The following LARGE1 variants were observed in gnomAD, a reference collection of about 807,000 sequenced individuals.
The protein encoded by LARGE1 is xylosyl- and glucuronyltransferase LARGE1.
LARGE1 carries 43 observed loss-of-function variants against 87.6 expected under a neutral mutation model. The ratio of observed to expected loss-of-function variants is 0.49; its 90% CI spans 0.38 to 0.63. The LOEUF (loss-of-function observed/expected upper bound fraction) is 0.63. LARGE1 is among the 30% of genes least tolerant of loss of function. LARGE1 has a pLI of 0.00. For missense variants in LARGE1, 802 were observed against 1,000.2 expected (o/e 0.80, Z 2.67); for synonymous variants, 434 against 394.6 (o/e 1.10, Z -1.18).
intron 1 of LARGE1, among the ~76,000 whole-genome samples, chr22:33,801,958 A>G (rs2086174676): frequency 6.6e-6 from 1 of 152,174 alleles, no homozygotes; most frequent in South Asian, 2.1e-4. Flanking sequence ...TATTTTTACT[A>G]ATGAAAATAA....
At chr22:33,146,407 T>A in the LARGE1 span, among the ~76,000 whole-genome samples, 1 of 152,162 alleles carries the variant, frequency 6.6e-6, no homozygotes, top group Non-Finnish European at 1.5e-5. Flanking sequence ...ATATGATTAG[T>A]CTCTATTACA....
intron 3 of LARGE1, among the ~76,000 whole-genome samples, chr22:33,646,689 C>G (rs1394851601): frequency 1.3e-5 from 2 of 151,766 alleles, no homozygotes; most frequent in Non-Finnish European, 2.9e-5. Flanking sequence ...ATTCATCAAT[C>G]CTATGTGCTG....
chr22:33,398,754 T>C (rs550924277), intron 7 of LARGE1, among the ~76,000 whole-genome samples: 2 of 152,278 alleles, frequency 1.3e-5, no homozygotes, highest in East Asian at 1.9e-4. Flanking sequence ...CAATGGCTAG[T>C]GTCCTTATAA....
intron 10 of LARGE1, among the ~76,000 whole-genome samples, chr22:33,322,227 G>A (rs77975483): frequency 0.033 from 4,951 of 152,256 alleles, 269 homozygotes; most frequent in African/African-American, 0.11. Flanking sequence ...TCCATATGGT[G>A]AGCTCCTAAC....
chr22:33,894,545 C>T (rs1368308782), intron 1 of LARGE1, among the ~76,000 whole-genome samples: 5 of 152,166 alleles, frequency 3.3e-5, no homozygotes, highest in African/African-American at 4.8e-5. Flanking sequence ...TCAGAAACCT[C>T]GAAGTAGCCT....
At chr22:33,172,744 G>A (rs944461606) in intron 11 of LARGE1, among the ~76,000 whole-genome samples, 6 of 152,226 alleles carry the variant, frequency 3.9e-5, no homozygotes, top group Non-Finnish European at 8.8e-5. Flanking sequence ...TGATCAAGTG[G>A]AAGAGAGGAT....
In LARGE1 at chr22:33,806,049, A is replaced by C. The variant is rs2086298674; in HGVS notation, c.-82-44491T>G. Reference sequence around the variant, plus strand: ...CTCAATCTAATTCCAAAACTTTTCCATGAACTCCAAAACAAAACCCCACAC... The same window carrying C: ...CTCAATCTAATTCCAAAACTTTTCCCTGAACTCCAAAACAAAACCCCACAC... On this transcript the variant is annotated intron_variant, in intron 1 of 14. Transcript: ENST00000397394. 2.0e-5 allele frequency among the ~76,000 whole-genome samples: 3 copies of C among 152,292 alleles called. No homozygotes were observed. The South Asian group carries it at 6.2e-4, about 32-fold the overall frequency.
chr22:33,668,661 C>T (rs192929726), intron 2 of LARGE1, among the ~76,000 whole-genome samples: 11 of 152,220 alleles, frequency 7.2e-5, no homozygotes, highest in Admixed American at 1.3e-4. Flanking sequence ...GATGCAGGTA[C>T]GGAAGAGAGA....
chr22:33,264,612 T>C (rs1432602995), intron 11 of LARGE1, among the ~76,000 whole-genome samples: 2 of 152,156 alleles, frequency 1.3e-5, no homozygotes, highest in Non-Finnish European at 2.9e-5. Flanking sequence ...TGAGCCGAGA[T>C]TGCACCACTA....
At chr22:33,748,024 C>CAAAA (rs535230421) in intron 2 of LARGE1, among the ~76,000 whole-genome samples, 277 of 21,722 alleles carry the variant, frequency 0.013, 72 homozygotes, top group African/African-American at 0.028. Context: ...TCTGCTGGAG[C>CAAAA]AAAAAAAAAA....
At chr22:33,818,806 C>T (rs2086733439) in intron 1 of LARGE1, among the ~76,000 whole-genome samples, 1 of 152,102 alleles carries the variant, frequency 6.6e-6, no homozygotes, top group South Asian at 2.1e-4. Flanking sequence ...GTGGCTTTTT[C>T]GAGGCAAATT....
At chr22:33,829,016 T>C (rs947636783) in intron 1 of LARGE1, among the ~76,000 whole-genome samples, 11 of 142,990 alleles carry the variant, frequency 7.7e-5, no homozygotes, top group Non-Finnish European at 1.5e-4. Context: ...CTTTTTTTTT[T>C]TTTTTTTTTT....
chr22:33,867,051 G>C (rs781219676), intron 1 of LARGE1, among the ~76,000 whole-genome samples: 1 of 152,104 alleles, frequency 6.6e-6, no homozygotes, highest in Non-Finnish European at 1.5e-5. Flanking sequence ...TGACAAAAAG[G>C]GCTCTAATGA....
At chr22:33,618,451 C>T (rs146025069) in intron 4 of LARGE1, among the ~76,000 whole-genome samples, 52 of 152,260 alleles carry the variant, frequency 3.4e-4, no homozygotes, top group African/African-American at 1.0e-3. Context: ...GGCACCAGGT[C>T]GGGATAACAT....
intron 10 of LARGE1, among the ~76,000 whole-genome samples, chr22:33,321,610 T>A (rs555968945): frequency 1.4e-3 from 210 of 152,322 alleles, no homozygotes; most frequent in South Asian, 3.1e-3. Flanking sequence ...CTCAGAAGAA[T>A]GAAGGGCTTC....
intron 6 of LARGE1, among the ~76,000 whole-genome samples, chr22:33,472,875 C>T (rs1426993311): frequency 6.6e-6 from 1 of 152,194 alleles, no homozygotes; most frequent in Non-Finnish European, 1.5e-5. Context: ...CTGCTGGCAG[C>T]ATCTGAGTCA....
chr22:33,261,837 T>C (rs1927643267), intron 11 of LARGE1, among the ~76,000 whole-genome samples: 1 of 152,236 alleles, frequency 6.6e-6, no homozygotes, highest in African/African-American at 2.4e-5. Flanking sequence ...AATCAAACTC[T>C]ACAGCAACCA....
intron 1 of LARGE1, among the ~76,000 whole-genome samples, chr22:33,828,326 C>T (rs747614716): frequency 5.3e-5 from 8 of 152,134 alleles, no homozygotes; most frequent in East Asian, 3.8e-4. Flanking sequence ...CCAGGGCATC[C>T]TGAGAGAGTC....
intron 4 of LARGE1, among the ~76,000 whole-genome samples, chr22:33,610,568 G>A (rs2079397896): frequency 6.6e-6 from 1 of 152,184 alleles, no homozygotes; most frequent in African/African-American, 2.4e-5. Context: ...AAAGAGGGAA[G>A]CAGGGTGTAA....
Sources: allele counts gnomAD v4.1 joint callset (sites outside exome capture counted in the v4.1 genomes callset), GRCh38; gene constraint gnomAD v4.1.1; transcripts MANE v1.5; gene names NCBI Gene and HGNC (gene_info 2026-07-23, HGNC 2026-07-21).